The following KLHL32 variants were observed in gnomAD, a reference collection of about 807,000 sequenced individuals.
KLHL32 encodes kelch like family member 32.
A neutral mutation model predicts 64.8 loss-of-function variants in KLHL32; 35 were observed. That is an observed-to-expected ratio of 0.54 (90% CI 0.41 to 0.72). The LOEUF (loss-of-function observed/expected upper bound fraction) is 0.72. Among genes scored for constraint, KLHL32 ranks in the 30% least tolerant of loss-of-function variants. The pLI is 0.00. For synonymous variants in KLHL32, 259 were observed against 281.0 expected (o/e 0.92, Z 0.78); for missense variants, 589 against 768.5 (o/e 0.77, Z 2.76).
chr6:96,975,112 G>A (rs1775550515), intron 2 of KLHL32, among the ~76,000 whole-genome samples: 1 of 152,164 alleles, frequency 6.6e-6, no homozygotes, highest in African/African-American at 2.4e-5. Context: ...TTGTGTTTAT[G>A]GCATTACTTC....
At chr6:97,083,444 G>A (rs1035081743) in intron 5 of KLHL32, among the ~76,000 whole-genome samples, 60 of 151,626 alleles carry the variant, frequency 4.0e-4, no homozygotes, top group Non-Finnish European at 4.9e-4. Context: ...TGACTGACCC[G>A]AGGCCCCAGC....
At chr6:97,043,911 T>C (rs1180107452) in intron 4 of KLHL32, among the ~76,000 whole-genome samples, 1 of 152,158 alleles carries the variant, frequency 6.6e-6, no homozygotes, top group Non-Finnish European at 1.5e-5. Context: ...TTTTCTCATC[T>C]TCTTGTGATG....
chr6:96,954,929 C>A (rs75048135), intron 1 of KLHL32, among the ~76,000 whole-genome samples: 2,594 of 152,248 alleles, frequency 0.017, 70 homozygotes, highest in African/African-American at 0.058. Flanking sequence ...GTAGCTTAAA[C>A]AACAAGTATA....
chr6:96,996,702 A>G (rs1464879001), intron 3 of KLHL32, among the ~76,000 whole-genome samples: 6 of 152,124 alleles, frequency 3.9e-5, no homozygotes, highest in African/African-American at 7.2e-5. Flanking sequence ...TTCTCAAGCA[A>G]TAACAATAAT....
intron 5 of KLHL32, among the ~76,000 whole-genome samples, chr6:97,067,480 C>T (rs1442287384): frequency 6.6e-6 from 1 of 152,096 alleles, no homozygotes; most frequent in Non-Finnish European, 1.5e-5. Context: ...TTAATCTTGT[C>T]TATAGGTTAC....
intron 2 of KLHL32, among the ~76,000 whole-genome samples, chr6:96,972,472 G>A (rs1775221036): frequency 6.6e-6 from 1 of 152,080 alleles, no homozygotes; most frequent in African/African-American, 2.4e-5. Context: ...ATACTCTTTT[G>A]TATTGATGCA....
intron 3 of KLHL32, among the ~76,000 whole-genome samples, chr6:97,037,466 A>T (rs1784467428): frequency 6.6e-6 from 1 of 152,198 alleles, no homozygotes; most frequent in Admixed American, 6.5e-5. Context: ...ATACCTAGGA[A>T]TCAATTTAAC....
At chr6:96,991,276 G>T (rs928395328) in intron 3 of KLHL32, among the ~76,000 whole-genome samples, 2 of 152,120 alleles carry the variant, frequency 1.3e-5, no homozygotes, top group African/African-American at 4.8e-5. Context: ...ATGCTCAGCT[G>T]GGGGTGGGGT....
At position 96,997,627 on chromosome 6, in the gene KLHL32, C is replaced by T. The variant is rs538914171; in HGVS notation, c.204+21450C>T. 9.9e-5 allele frequency among the ~76,000 whole-genome samples: 15 copies of T among 152,152 alleles called. No individual in the cohort carries two copies. The East Asian group carries it at 2.3e-3, about 24-fold the overall frequency. On this transcript the variant is annotated intron_variant, in intron 3 of 10. Coordinates refer to ENST00000369261, the MANE Select transcript of KLHL32 (RefSeq NM_052904.4). ...GTGTAGTGGCATGCACCTGCAGTCT[C>T]AGTTTCTTGAGAGGCTTAGCAGGAG... is the stretch of plus-strand genomic sequence containing the variant.
the KLHL32 span, among the ~76,000 whole-genome samples, chr6:96,904,948 G>A: frequency 6.6e-6 from 1 of 152,096 alleles, no homozygotes; most frequent in Non-Finnish European, 1.5e-5. Context: ...ACAATTCCCT[G>A]TCTTCTTTCT....
intron 5 of KLHL32, among the ~76,000 whole-genome samples, chr6:97,082,160 C>T (rs1792640936): frequency 6.6e-6 from 1 of 152,004 alleles, no homozygotes; most frequent in Admixed American, 6.6e-5. Context: ...TGATAAGGAA[C>T]AGAACAAGAA....
At chr6:96,987,730 G>A (rs1235684193) in intron 3 of KLHL32, among the ~76,000 whole-genome samples, 7 of 152,244 alleles carry the variant, frequency 4.6e-5, no homozygotes, top group Admixed American at 1.3e-4. Context: ...AACCAAAACA[G>A]CAAGGTACTG....
At chr6:97,085,000 A>G in intron 5 of KLHL32, 126 bp from the exon 6 acceptor site, 1 of 679,350 alleles carries the variant, frequency 1.5e-6, no homozygotes, top group Non-Finnish European at 2.5e-6. Context: ...TTTTTTTTAT[A>G]CTAGCCCTCC....
intron 3 of KLHL32, among the ~76,000 whole-genome samples, chr6:97,012,375 A>G (rs1327470281): frequency 1.3e-5 from 2 of 152,180 alleles, no homozygotes; most frequent in Non-Finnish European, 2.9e-5. Context: ...GAGTGATGTG[A>G]TTGTTGGCTT....
chr6:97,017,225 C>T (rs1781337905), intron 3 of KLHL32, among the ~76,000 whole-genome samples: 1 of 152,106 alleles, frequency 6.6e-6, no homozygotes. Flanking sequence ...TTATCCCATG[C>T]CATGTCCTTG....
chr6:96,951,300 G>A (rs1326090873), intron 1 of KLHL32, among the ~76,000 whole-genome samples: 1 of 152,042 alleles, frequency 6.6e-6, no homozygotes, highest in African/African-American at 2.4e-5. Context: ...TATACACCTT[G>A]TTCCTGGAGT....
intron 3 of KLHL32, among the ~76,000 whole-genome samples, chr6:97,013,630 A>G (rs921823986): frequency 1.3e-5 from 2 of 152,254 alleles, no homozygotes; most frequent in Non-Finnish European, 2.9e-5. Flanking sequence ...CCATGAAAGG[A>G]TAAAATAACA....
intron 3 of KLHL32, among the ~76,000 whole-genome samples, chr6:97,036,777 G>T (rs1048741227): frequency 1.3e-5 from 2 of 152,204 alleles, no homozygotes; most frequent in Non-Finnish European, 2.9e-5. Context: ...GCCGTACCGG[G>T]TGCAGGGTGC....
chr6:96,982,694 T>A (rs1385263995), intron 3 of KLHL32, among the ~76,000 whole-genome samples: 1 of 152,244 alleles, frequency 6.6e-6, no homozygotes, highest in African/African-American at 2.4e-5. Context: ...CTGTTACTGG[T>A]GCATAAGAAT....
Sources: gnomAD v4.1 joint callset for allele counts (sites outside exome capture counted in the v4.1 genomes callset) on GRCh38, gnomAD v4.1.1 for gene constraint, MANE v1.5 for transcripts, NCBI Gene and HGNC (gene_info 2026-07-23, HGNC 2026-07-21) for gene names.